PEX1: variants seen among roughly 807,000 people sequenced by gnomAD.
PEX1 encodes the protein peroxisomal ATPase PEX1.
Under a neutral mutation model 152.5 loss-of-function variants are expected in PEX1, and 97 were observed. The ratio of observed to expected loss-of-function variants is 0.64; its 90% confidence interval spans 0.54 to 0.75. PEX1 has a LOEUF of 0.75. Among genes scored for constraint, PEX1 ranks in the 30% least tolerant of loss-of-function variants. The pLI, the probability that PEX1 is intolerant of heterozygous loss-of-function variation, is 0.00. For synonymous variants in PEX1, 485 were observed against 531.6 expected (o/e 0.91, Z 1.21); for missense variants, 1,357 against 1,516.3 (o/e 0.89, Z 1.74).
chr7:92,508,758 T>C (rs887754580), intron 9 of PEX1, among the ~76,000 whole-genome samples: 4 of 151,736 alleles, frequency 2.6e-5, no homozygotes, highest in African/African-American at 9.7e-5. Flanking sequence ...TTAAGAGGAG[T>C]TTAAAAAATA....
intron 9 of PEX1, among the ~76,000 whole-genome samples, chr7:92,508,749 T>C (rs1792316244): frequency 6.6e-6 from 1 of 152,032 alleles, no homozygotes; most frequent in Non-Finnish European, 1.5e-5. Context: ...ATATGGAAAT[T>C]AAGAGGAGTT....
chr7:92,518,837 TG>T (rs1191602204), intron 3 of PEX1, 157 bp downstream of exon 3: 3 of 661,990 alleles, frequency 4.5e-6, no homozygotes, highest in Non-Finnish European at 8.1e-6. Context: ...CCCAAAGTGC[TG>T]GGACTATAGG....
chr7:92,499,338 A>T (rs1431497511), intron 16 of PEX1, among the ~76,000 whole-genome samples: 2 of 152,256 alleles, frequency 1.3e-5, no homozygotes, highest in Admixed American at 6.5e-5. Context: ...AAGTGGATAA[A>T]CAAAGTATGG....
chr7:92,521,198 T>C (rs1793034911), intron 2 of PEX1, among the ~76,000 whole-genome samples: 2 of 152,124 alleles, frequency 1.3e-5, no homozygotes, highest in Non-Finnish European at 2.9e-5. Context: ...ACTCGTGGCC[T>C]CAAGTGGTCC....
chr7:92,487,620 C>A, intron 23 of PEX1, 79 bp from the exon 24 acceptor site: 5 of 606,218 alleles, frequency 8.2e-6, no homozygotes, highest in East Asian at 3.0e-5. Context: ...TTGGCAAACA[C>A]AATTATATTT....
intron 16 of PEX1, 118 bp downstream of exon 16, chr7:92,499,583 AGGT>A: frequency 1.2e-6 from 1 of 802,408 alleles, no homozygotes. Context: ...AATTAGAGAG[AGGT>A]GGTGGTTGCA....
chr7:92,509,186 A>G (rs1479273902), intron 9 of PEX1, 143 bp downstream of exon 9: 1 of 666,846 alleles, frequency 1.5e-6, no homozygotes, highest in Non-Finnish European at 2.7e-6. Flanking sequence ...GAAGATAGAG[A>G]CAATCCTTGA....
In PEX1 at chr7:92,491,234, A is replaced by G. The variant is rs190405187; in HGVS notation, c.3438+38T>C. The stretch of plus-strand genomic sequence containing the variant: ...CAACTTTACACCAACATATAGCTTT[A>G]TATTTCAGAACTGTATAATGATGAC... On this transcript the variant is annotated intron_variant, in intron 21 of 23. Coordinates refer to ENST00000248633, the MANE Select transcript of PEX1 (RefSeq NM_000466.3). The G allele has an allele frequency of 9.3e-5, 124 of 1,332,714 alleles. No individual in the cohort carries two copies. The East Asian group carries it at 2.6e-3, about 28-fold the overall frequency. 82.6% of individuals were successfully genotyped at this position (1,332,714 alleles called of 1,614,324 possible).
intron 12 of PEX1, 99 bp downstream of exon 12, chr7:92,504,633 C>T: frequency 1.7e-6 from 2 of 1,209,598 alleles, no homozygotes; most frequent in Non-Finnish European, 2.4e-6. Flanking sequence ...CTTAACATAA[C>T]ACATATATTA....
chr7:92,501,537 T>C lies in PEX1; in HGVS notation c.2553A>G (p.Ile851Met). The C allele has an allele frequency of 6.2e-7, 1 of 1,613,912 alleles. No individual in the cohort carries two copies. The highest frequency in any genetic ancestry group is 8.5e-7 in the Non-Finnish European group (1 of 1,179,824). Residue 851 changes from isoleucine to methionine, a missense_variant, in exon 15 of 24, where the codon ATA becomes ATG. Coordinates refer to ENST00000248633, the MANE Select transcript of PEX1 (RefSeq NM_000466.3). ...KIGGLHEVRQ[I>M]LMDTIQLPAK... ...CAGGTAACTGGATAGTATCCATGAG[T>C]ATCTGCCTAACTTCATGTAACCCAC...
chr7:92,512,055 C>T (rs1398929924), intron 6 of PEX1, among the ~76,000 whole-genome samples: 1 of 152,212 alleles, frequency 6.6e-6, no homozygotes, highest in Non-Finnish European at 1.5e-5. Context: ...TTCTTTGAGA[C>T]AGAATCTCGC....
At chr7:92,493,375 C>G (rs1791459950) in intron 19 of PEX1, 1 of 236,538 alleles carries the variant, frequency 4.2e-6, no homozygotes, top group African/African-American at 2.3e-5. Context: ...TGGCTCACGC[C>G]TGTAATCCCA....
chr7:92,491,102 C>T (rs1323131122), intron 21 of PEX1, 170 bp downstream of exon 21: 1 of 587,360 alleles, frequency 1.7e-6, no homozygotes, highest in Non-Finnish European at 3.1e-6. Flanking sequence ...AAAATCTTAA[C>T]AAGGAATGCA....
At position 92,517,643 on chromosome 7, in the gene PEX1, T is replaced by G; in HGVS notation, c.872A>C (p.Lys291Thr). 6.2e-7 allele frequency: 1 copy of G among 1,614,000 alleles called. No individual in the cohort carries two copies. Among genetic ancestry groups the G allele is most frequent in the Non-Finnish European group, 8.5e-7 (1 of 1,179,960 alleles). The change falls in exon 5 of 24, where the codon AAA (lysine) becomes ACA (threonine). Residue 291 changes from lysine to threonine, a missense_variant. Transcript: ENST00000248633. ...GTTATATATACTAGGAGGTTGAGAT[T>G]TGCATACTCTGAAAATATTGTCTAG... The part of the protein sequence containing the change: ...VPLDNIFRVC[K>T]SQPPSIYNAS...
At chr7:92,526,496 C>A (rs1220291687) in intron 1 of PEX1, among the ~76,000 whole-genome samples, 5 of 152,086 alleles carry the variant, frequency 3.3e-5, no homozygotes, top group African/African-American at 1.2e-4. Context: ...GGCCTCTAAC[C>A]CAAGAATTCT....
intron 9 of PEX1, among the ~76,000 whole-genome samples, chr7:92,508,007 T>C (rs1353932616): frequency 6.6e-6 from 1 of 151,862 alleles, no homozygotes; most frequent in Non-Finnish European, 1.5e-5. Flanking sequence ...TTTGCCCTAA[T>C]AGAACTCCTT....
intron 13 of PEX1, among the ~76,000 whole-genome samples, chr7:92,502,770 A>G (rs866402415): frequency 6.6e-6 from 1 of 152,230 alleles, no homozygotes; most frequent in Admixed American, 6.5e-5. Flanking sequence ...TGAAGTGTTT[A>G]AAAGCCATCT....
intron 15 of PEX1, 101 bp from the exon 16 acceptor site, chr7:92,499,939 T>TCGTGATTACCATCTG: frequency 1.2e-6 from 1 of 862,152 alleles, no homozygotes; most frequent in Non-Finnish European, 1.9e-6. Context: ...ATTCAGATGG[T>TCGTGATTACCATCTG]AATCACGACC....
chr7:92,494,208 A>G (rs1791518935), intron 19 of PEX1, 85 bp downstream of exon 19: 1 of 979,894 alleles, frequency 1.0e-6, no homozygotes. Context: ...TCTAAGGACA[A>G]TTGCCATTAC....
Sources: allele counts gnomAD v4.1 joint callset (sites outside exome capture counted in the v4.1 genomes callset), GRCh38; gene constraint gnomAD v4.1.1; transcripts MANE v1.5; gene names NCBI Gene and HGNC (gene_info 2026-07-23, HGNC 2026-07-21).